Variants in GRIK3 observed in about 807,000 individuals in gnomAD.
GRIK3 encodes the protein glutamate receptor ionotropic, kainate 3.
A neutral mutation model predicts 102.5 loss-of-function variants in GRIK3; 29 were observed. The ratio of observed to expected loss-of-function variants is 0.28; its 90% CI spans 0.21 to 0.39. GRIK3 has a LOEUF of 0.39. GRIK3 is among the 10% of genes least tolerant of loss of function. The probability of loss-of-function intolerance (pLI) is 1.00; values close to 1 mark genes in which losing one functional copy is unlikely to be tolerated. For missense variants in GRIK3, 908 were observed against 1,252.4 expected (o/e 0.73, Z 4.15); for synonymous variants, 511 against 504.9 (o/e 1.01, Z -0.16).
intron 1 of GRIK3, among the ~76,000 whole-genome samples, chr1:36,895,874 A>T (rs1174943229): frequency 6.6e-6 from 1 of 152,222 alleles, no homozygotes; most frequent in East Asian, 1.9e-4. Context: ...AATCCCAACA[A>T]GCCCGAAGAA....
Position 36,922,161 on chromosome 1 carries a change from C to T in GRIK3, c.116-31065G>A, listed in dbSNP as rs976474206. Among the ~76,000 whole-genome samples, 8 of 152,290 alleles carry T rather than the reference C, an allele frequency of 5.3e-5. No individual in the cohort carries two copies. In the East Asian group the frequency reaches 9.7e-4, roughly 18 times the overall value. ...TTTGCACCAGTGACCTCCAGAGCTA[C>T]GGGAAAATGGGACACAGAGCTGAGT... is the stretch of plus-strand genomic sequence containing the variant. On this transcript the variant is annotated intron_variant, in intron 1 of 15. Transcript: ENST00000373091.
At chr1:37,031,783 T>TCC (rs1642830876) in intron 1 of GRIK3, among the ~76,000 whole-genome samples, 1 of 152,198 alleles carries the variant, frequency 6.6e-6, no homozygotes, top group Admixed American at 6.5e-5. Context: ...TGAGATTCTC[T>TCC]CTCTCTCGCT....
intron 1 of GRIK3, among the ~76,000 whole-genome samples, chr1:36,948,885 C>T (rs1049294005): frequency 2.0e-5 from 3 of 152,172 alleles, no homozygotes; most frequent in African/African-American, 4.8e-5. Context: ...GTGGAGGCTG[C>T]CCCCTCCTGC....
At chr1:36,987,346 G>C (rs1289149440) in intron 1 of GRIK3, among the ~76,000 whole-genome samples, 1 of 152,072 alleles carries the variant, frequency 6.6e-6, no homozygotes, top group African/African-American at 2.4e-5. Context: ...AGCAGACCCT[G>C]AGGCAAGGAT....
intron 1 of GRIK3, among the ~76,000 whole-genome samples, chr1:37,031,778 TTC>T (rs921529197): frequency 1.3e-5 from 2 of 152,104 alleles, no homozygotes; most frequent in East Asian, 1.9e-4. Context: ...TAGCATGAGA[TTC>T]TCTCTCTCTC....
chr1:36,820,692 A>G (rs1404484894), intron 11 of GRIK3, among the ~76,000 whole-genome samples: 1 of 152,254 alleles, frequency 6.6e-6, no homozygotes, highest in Non-Finnish European at 1.5e-5. Context: ...TAAAATATTC[A>G]GACAGTATAG....
chr1:36,888,652 C>A (rs2124271027), intron 2 of GRIK3, among the ~76,000 whole-genome samples: 1 of 152,306 alleles, frequency 6.6e-6, no homozygotes, highest in East Asian at 1.9e-4. Flanking sequence ...GGATCCCCAG[C>A]ACCTGGCACA....
At chr1:36,975,509 T>C (rs1212886879) in intron 1 of GRIK3, among the ~76,000 whole-genome samples, 3 of 152,200 alleles carry the variant, frequency 2.0e-5, no homozygotes, top group Admixed American at 1.3e-4. Context: ...TTAGCCAGTA[T>C]GGTCTCGATC....
rs1339871103 is a variant in GRIK3 at position 36,814,089 on chromosome 1, G to A, written c.2091+2971C>T. Among the ~76,000 whole-genome samples, 6 of 152,122 alleles carry A rather than the reference G, an allele frequency of 3.9e-5. No homozygotes were observed. The East Asian group carries it at 9.6e-4, about 24-fold the overall frequency. On this transcript the variant is annotated intron_variant, in intron 13 of 15. Transcript: ENST00000373091. ...TTTGTATGTCTCTTCTGCCCTCCTC[G>A]CTGTGCCATTTGCACGGAAGGTGGG... is the stretch of plus-strand genomic sequence containing the variant.
Position 36,806,169 on chromosome 1 carries a change from T to G in GRIK3, c.2249A>C (p.Asn750Thr). 6.2e-7 allele frequency: 1 copy of G among 1,614,054 alleles called. No homozygotes were observed. Among genetic ancestry groups the G allele is most frequent in the Non-Finnish European group, 8.5e-7 (1 of 1,179,994 alleles). ...GCCCCCGATCTGGGTGAGGTTGCAG[T>G]TCCTCTGCGTGACGTACTCGATGGT... Reference protein sequence around the residue: ...STTIEYVTQRNCNLTQIGGLI... With the variant: ...STTIEYVTQRTCNLTQIGGLI... Residue 750 changes from asparagine to threonine, a missense_variant, in exon 14 of 16, where the codon AAC (asparagine) becomes ACC (threonine). Coordinates refer to ENST00000373091, the MANE Select transcript of GRIK3 (RefSeq NM_000831.4). This position sits in a 1 kb window ranked among gnomAD's most constrained non-coding sequence, Gnocchi z 4.0.
rs1313224925 is a variant in GRIK3, at chr1:36,798,609, T to C, written c.*3242A>G. 6.6e-6 allele frequency: 1 copy of C among 152,278 alleles called. No homozygotes were observed. The highest frequency in any genetic ancestry group is 1.5e-5 in the Non-Finnish European group (1 of 68,062). The allele number at this position is 152,278 out of a possible 1,614,324, so 9.4% of individuals were successfully genotyped here. ...CCCACTCCGTCCCACCTCACAGATGTAGCATCATTTTCAGTGCCCCGGGAG... is the reference window on the plus strand; with the variant it reads ...CCCACTCCGTCCCACCTCACAGATGCAGCATCATTTTCAGTGCCCCGGGAG... On this transcript the variant is annotated 3_prime_UTR_variant, in exon 16 of 16. Coordinates refer to ENST00000373091, the MANE Select transcript of GRIK3 (RefSeq NM_000831.4).
At chr1:37,017,388 A>G (rs1292925340) in intron 1 of GRIK3, among the ~76,000 whole-genome samples, 1 of 150,826 alleles carries the variant, frequency 6.6e-6, no homozygotes, top group African/African-American at 2.4e-5. Flanking sequence ...AAAAAAAAAA[A>G]AAAAAAAGAA....
intron 1 of GRIK3, among the ~76,000 whole-genome samples, chr1:37,008,625 G>A (rs142571049): frequency 1.3e-5 from 2 of 152,332 alleles, no homozygotes; most frequent in African/African-American, 2.4e-5. Context: ...GGGTGGGCAG[G>A]TCACAGGGAG....
chr1:37,021,912 T>G (rs777927276), intron 1 of GRIK3, among the ~76,000 whole-genome samples: 26 of 152,170 alleles, frequency 1.7e-4, no homozygotes, highest in Non-Finnish European at 3.5e-4. Context: ...AAGTCACTAC[T>G]CACTCATCAG....
intron 1 of GRIK3, among the ~76,000 whole-genome samples, chr1:36,992,737 T>C (rs1194552553): frequency 1.3e-5 from 2 of 152,218 alleles, no homozygotes; most frequent in Admixed American, 1.3e-4. Flanking sequence ...TATGGAGTGC[T>C]GACTCAGCAT....
intron 10 of GRIK3, among the ~76,000 whole-genome samples, chr1:36,833,344 C>T (rs1640333483): frequency 6.6e-6 from 1 of 152,226 alleles, no homozygotes; most frequent in Admixed American, 6.5e-5. Context: ...CCTCTTCCTT[C>T]TGACCTGTCA....
intron 1 of GRIK3, among the ~76,000 whole-genome samples, chr1:36,976,053 A>T (rs945346756): frequency 6.6e-6 from 1 of 152,208 alleles, no homozygotes; most frequent in African/African-American, 2.4e-5. Flanking sequence ...GGAGCAACCC[A>T]AAGTAGGAAG....
chr1:36,966,597 G>T (rs917378991), intron 1 of GRIK3, among the ~76,000 whole-genome samples: 1 of 152,156 alleles, frequency 6.6e-6, no homozygotes. Context: ...GACTAAGGCA[G>T]ATCCTAATCT....
In GRIK3 at chr1:36,872,170, T is replaced by C. The variant is rs1640849685; in HGVS notation, c.732+18A>G. The C allele has an allele frequency of 1.3e-6, 2 of 1,556,226 alleles. No homozygotes were observed. Among genetic ancestry groups the C allele is most frequent in the African/African-American group, 1.4e-5 (1 of 73,254 alleles). ...AGCAGACCCCAGTCATCTGTCCCGG[T>C]GGCCAGCACTCACGCACCTGCTTGA... On this transcript the variant is annotated intron_variant, in intron 4 of 15. Coordinates refer to ENST00000373091, the MANE Select transcript of GRIK3 (RefSeq NM_000831.4). This position sits in a 1 kb window ranked among gnomAD's most constrained non-coding sequence, Gnocchi z 5.9.
Sources: allele counts gnomAD v4.1 joint callset (sites outside exome capture counted in the v4.1 genomes callset), GRCh38; gene constraint gnomAD v4.1.1; non-coding constraint Gnocchi (gnomAD v3.1); transcripts MANE v1.5; gene names NCBI Gene and HGNC (gene_info 2026-07-23, HGNC 2026-07-21).